DTNB: variants seen among roughly 807,000 people sequenced by gnomAD.
The protein encoded by DTNB is dystrobrevin beta.
A neutral mutation model predicts 90.7 loss-of-function variants in DTNB; 63 were observed. That is an observed-to-expected ratio of 0.69 (90% CI 0.57 to 0.86). DTNB has a LOEUF of 0.86. DTNB is among the 40% of genes least tolerant of loss of function. DTNB has a pLI of 0.00. For missense variants in DTNB, 744 were observed against 807.1 expected, an observed-to-expected ratio of 0.92 and a Z score of 0.95; for synonymous variants, 277 against 286.7, an observed-to-expected ratio of 0.97 and a Z score of 0.34.
At chr2:25,606,433 G>A (rs2067125913) in intron 5 of DTNB, among the ~76,000 whole-genome samples, 1 of 152,128 alleles carries the variant, frequency 6.6e-6, no homozygotes, top group Admixed American at 6.5e-5. Flanking sequence ...TCAGAACAGG[G>A]CTCTGACATC....
At chr2:25,572,664 T>G (rs1283827031) in intron 8 of DTNB, among the ~76,000 whole-genome samples, 1 of 151,628 alleles carries the variant, frequency 6.6e-6, no homozygotes, top group Non-Finnish European at 1.5e-5. Flanking sequence ...TTTTTTGTTT[T>G]TTTTTTTTTA....
intron 4 of DTNB, among the ~76,000 whole-genome samples, chr2:25,621,177 A>G (rs559721320): frequency 4.6e-5 from 7 of 152,356 alleles, no homozygotes; most frequent in African/African-American, 1.4e-4. Flanking sequence ...ACACCAACAT[A>G]TGAAATGTCT....
chr2:25,557,879 T>A (rs2057628699), intron 8 of DTNB, among the ~76,000 whole-genome samples: 1 of 152,186 alleles, frequency 6.6e-6, no homozygotes, highest in Non-Finnish European at 1.5e-5. Flanking sequence ...TAGAACCACA[T>A]ATTGACAGAA....
intron 12 of DTNB, among the ~76,000 whole-genome samples, chr2:25,444,433 G>T (rs1276649603): frequency 6.6e-6 from 1 of 151,394 alleles, no homozygotes; most frequent in Non-Finnish European, 1.5e-5. Context: ...TTGGGAGGAA[G>T]CTGAGGCAGG....
At chr2:25,511,042 T>C (rs2073832238) in intron 9 of DTNB, among the ~76,000 whole-genome samples, 1 of 152,204 alleles carries the variant, frequency 6.6e-6, no homozygotes, top group African/African-American at 2.4e-5. Context: ...ACGCTGATTT[T>C]CTCAAAGGGG....
intron 8 of DTNB, among the ~76,000 whole-genome samples, chr2:25,535,212 C>A (rs1413686347): frequency 6.6e-6 from 1 of 151,268 alleles, no homozygotes; most frequent in Non-Finnish European, 1.5e-5. Context: ...GCACTCCTCA[C>A]ATCCCAGACT....
intron 3 of DTNB, among the ~76,000 whole-genome samples, chr2:25,635,087 A>T (rs952665423): frequency 1.7e-3 from 265 of 151,478 alleles, no homozygotes; most frequent in South Asian, 6.2e-3. Context: ...AAGAAAAAAA[A>T]AAAAAGAAAT....
chr2:25,526,251 A>G (rs2077057087), intron 9 of DTNB, among the ~76,000 whole-genome samples: 1 of 151,330 alleles, frequency 6.6e-6, no homozygotes, highest in Non-Finnish European at 1.5e-5. Context: ...AACATGCCAT[A>G]CACTGTGGCA....
intron 10 of DTNB, among the ~76,000 whole-genome samples, chr2:25,462,796 C>T (rs993890685): frequency 8.6e-5 from 13 of 152,034 alleles, no homozygotes; most frequent in African/African-American, 2.7e-4. Context: ...CTCCGCCTCC[C>T]GGGTTCACGC....
At chr2:25,652,725 A>C in intron 1 of DTNB, 64 bp from the exon 2 acceptor site, 2 of 1,544,226 alleles carry the variant, frequency 1.3e-6, no homozygotes, top group Non-Finnish European at 1.7e-6. Context: ...AGTGCTAATC[A>C]TTCTATTGTG....
chr2:25,452,008 A>G (rs1558583702), intron 11 of DTNB, among the ~76,000 whole-genome samples: 1 of 152,252 alleles, frequency 6.6e-6, no homozygotes, highest in Non-Finnish European at 1.5e-5. Context: ...AGAGAAAACT[A>G]AAGCATCATG....
intron 8 of DTNB, among the ~76,000 whole-genome samples, chr2:25,547,322 CCTTT>C (rs1416493414): frequency 1.5e-5 from 2 of 131,802 alleles, no homozygotes; most frequent in African/African-American, 3.1e-5. Context: ...TTCTTTCTTT[CCTTT>C]TTTTTTTTTT....
At chr2:25,570,572 C>A (rs1182055958) in intron 8 of DTNB, among the ~76,000 whole-genome samples, 1 of 152,184 alleles carries the variant, frequency 6.6e-6, no homozygotes, top group Non-Finnish European at 1.5e-5. Context: ...TCCAGACAAT[C>A]TCCACATTGT....
chr2:25,485,069 T>G (rs905406761), intron 9 of DTNB, among the ~76,000 whole-genome samples: 22 of 152,258 alleles, frequency 1.4e-4, no homozygotes, highest in Admixed American at 1.4e-3. Flanking sequence ...TAGAATGGGC[T>G]ATTCTTTAAT....
intron 2 of DTNB, among the ~76,000 whole-genome samples, chr2:25,651,545 A>G (rs1195722119): frequency 6.6e-6 from 1 of 152,190 alleles, no homozygotes; most frequent in African/African-American, 2.4e-5. Flanking sequence ...GTCCTTAATG[A>G]TCACCCAGTT....
intron 9 of DTNB, among the ~76,000 whole-genome samples, chr2:25,494,183 G>A (rs1195600248): frequency 6.6e-6 from 1 of 152,092 alleles, no homozygotes; most frequent in Non-Finnish European, 1.5e-5. Context: ...TACTACTCAT[G>A]GTGGTATTTC....
In DTNB at chr2:25,424,629, A is replaced by G. The variant is rs1033227690; in HGVS notation, c.1554+2906T>C. ...GGTAATATTTGAGAACATCTTTCTGAAAAGGGAGATGTGACACAGGGAAGA... is the reference window on the plus strand; with the variant it reads ...GGTAATATTTGAGAACATCTTTCTGGAAAGGGAGATGTGACACAGGGAAGA... On this transcript the variant is annotated intron_variant, in intron 15 of 20. Coordinates refer to ENST00000406818, the MANE Select transcript of DTNB (RefSeq NM_021907.5). The surrounding 1 kb of genome is among the most constrained non-coding windows in gnomAD (Gnocchi z 4.1). 6.6e-6 allele frequency among the ~76,000 whole-genome samples: 1 copy of G among 152,064 alleles called. No homozygotes were observed. The highest frequency in any genetic ancestry group is 1.5e-5 in the Non-Finnish European group (1 of 67,994).
At chr2:25,504,531 G>A (rs1441705446) in intron 9 of DTNB, among the ~76,000 whole-genome samples, 1 of 146,920 alleles carries the variant, frequency 6.8e-6, no homozygotes, top group African/African-American at 2.5e-5. Flanking sequence ...AGGAAAGAAG[G>A]AAAGGCAAGA....
At chr2:25,382,392 A>G (rs1052866489) in intron 19 of DTNB, among the ~76,000 whole-genome samples, 1 of 152,182 alleles carries the variant, frequency 6.6e-6, no homozygotes, top group Non-Finnish European at 1.5e-5. Context: ...CTAACACATT[A>G]ATGCACAACA....
Sources: gnomAD v4.1 joint callset for allele counts (sites outside exome capture counted in the v4.1 genomes callset) on GRCh38, gnomAD v4.1.1 for gene constraint, Gnocchi (gnomAD v3.1) non-coding constraint, MANE v1.5 for transcripts, NCBI Gene and HGNC (gene_info 2026-07-23, HGNC 2026-07-21) for gene names.